SOX6: variants seen among roughly 807,000 people sequenced by gnomAD.
SOX6 encodes the protein SRY-box transcription factor 6, also known as transcription factor SOX-6.
Under a neutral mutation model 97.8 loss-of-function variants are expected in SOX6, and 11 were observed. The observed-to-expected ratio is 0.11, with a 90% confidence interval of 0.07 to 0.19. The LOEUF is 0.19. Ranked by LOEUF, SOX6 falls within the 10% of genes least tolerant of loss-of-function variation. The probability of loss-of-function intolerance (pLI) is 1.00; values close to 1 mark genes in which losing one functional copy is unlikely to be tolerated. For synonymous variants in SOX6, 360 were observed against 371.4 expected (o/e 0.97, Z 0.35); for missense variants, 810 against 1,039.5 (o/e 0.78, Z 3.04).
chr11:16,041,402 G>A (rs1855659231), intron 12 of SOX6, among the ~76,000 whole-genome samples: 1 of 151,948 alleles, frequency 6.6e-6, no homozygotes, highest in Non-Finnish European at 1.5e-5. Context: ...AATAAAAGGG[G>A]GCAGTATTAC....
At chr11:16,696,380 A>T (rs1295833562) in intron 3 of SOX6, among the ~76,000 whole-genome samples, 2 of 152,208 alleles carry the variant, frequency 1.3e-5, no homozygotes, top group Non-Finnish European at 2.9e-5. Context: ...TATAATTTCA[A>T]ATTATCTTCT....
At chr11:16,639,634 C>A (rs866839328) in intron 3 of SOX6, among the ~76,000 whole-genome samples, 1 of 152,082 alleles carries the variant, frequency 6.6e-6, no homozygotes, top group Non-Finnish European at 1.5e-5. Context: ...CCTTCACATC[C>A]GTTTTAAGTT....
intron 3 of SOX6, among the ~76,000 whole-genome samples, chr11:16,632,976 T>C (rs889585162): frequency 6.6e-6 from 1 of 152,110 alleles, no homozygotes; most frequent in Non-Finnish European, 1.5e-5. Flanking sequence ...TTGCTCAGGC[T>C]GTTGATCCAA....
intron 4 of SOX6, among the ~76,000 whole-genome samples, chr11:16,228,849 T>C (rs1852761670): frequency 6.6e-6 from 1 of 152,202 alleles, no homozygotes; most frequent in South Asian, 2.1e-4. Context: ...TATGATTCAG[T>C]GTTTCTCAGA....
At chr11:16,118,669 G>C (rs1849413160) in intron 6 of SOX6, among the ~76,000 whole-genome samples, 1 of 152,220 alleles carries the variant, frequency 6.6e-6, no homozygotes, top group South Asian at 2.1e-4. Context: ...ATCAGTCAGA[G>C]AGCAACTTGG....
chr11:16,065,435 C>T (rs1266500125), intron 9 of SOX6, among the ~76,000 whole-genome samples: 1 of 151,898 alleles, frequency 6.6e-6, no homozygotes, highest in Non-Finnish European at 1.5e-5. Flanking sequence ...GTCCATGCTA[C>T]CCAAAACAAT....
At chr11:16,636,366 G>A (rs957739874) in intron 3 of SOX6, among the ~76,000 whole-genome samples, 4 of 152,116 alleles carry the variant, frequency 2.6e-5, no homozygotes, top group South Asian at 4.1e-4. Flanking sequence ...TAGCCTCTTC[G>A]TTTTGGTCAA....
chr11:16,148,737 C>T (rs932700403), intron 6 of SOX6, among the ~76,000 whole-genome samples: 1 of 152,052 alleles, frequency 6.6e-6, no homozygotes, highest in African/African-American at 2.4e-5. Flanking sequence ...TCCAGGCATT[C>T]CCTCGTGTAG....
chr11:16,140,317 A>T (rs927304962), intron 6 of SOX6, among the ~76,000 whole-genome samples: 1 of 152,146 alleles, frequency 6.6e-6, no homozygotes, highest in African/African-American at 2.4e-5. Context: ...GAGGAGGAAA[A>T]GTGGAAGAAA....
chr11:16,098,152 C>T (rs1223908983), intron 7 of SOX6, among the ~76,000 whole-genome samples: 2 of 151,642 alleles, frequency 1.3e-5, no homozygotes, highest in African/African-American at 2.4e-5. Flanking sequence ...ATTTATTAAA[C>T]AAGTTTAAAA....
At chr11:16,625,155 T>G (rs762869809) in intron 3 of SOX6, among the ~76,000 whole-genome samples, 2 of 152,212 alleles carry the variant, frequency 1.3e-5, no homozygotes, top group Non-Finnish European at 2.9e-5. Context: ...GTTTTTTTCT[T>G]TTATCACTAG....
At chr11:16,287,554 A>C (rs2134252949) in intron 3 of SOX6, among the ~76,000 whole-genome samples, 1 of 152,190 alleles carries the variant, frequency 6.6e-6, no homozygotes, top group South Asian at 2.1e-4. Context: ...AATAAGTATT[A>C]AGTGCCCTAA....
chr11:15,981,271 T>C (rs1457015886), intron 15 of SOX6, among the ~76,000 whole-genome samples: 2 of 152,086 alleles, frequency 1.3e-5, no homozygotes, highest in African/African-American at 2.4e-5. Flanking sequence ...TTTGTAAAAG[T>C]ATATACATGA....
At chr11:16,461,830 A>C (rs1170513367) in intron 1 of SOX6, among the ~76,000 whole-genome samples, 1 of 152,198 alleles carries the variant, frequency 6.6e-6, no homozygotes, top group Non-Finnish European at 1.5e-5. Flanking sequence ...AATGTAATTT[A>C]ATTAGCATTT....
intron 3 of SOX6, among the ~76,000 whole-genome samples, chr11:16,280,325 C>A (rs892954711): frequency 1.6e-4 from 24 of 151,510 alleles, no homozygotes; most frequent in African/African-American, 5.6e-4. Flanking sequence ...AATTGGTTAG[C>A]CCACCAAATT....
chr11:16,066,455 T>C (rs1408891351), intron 9 of SOX6, among the ~76,000 whole-genome samples: 2 of 152,192 alleles, frequency 1.3e-5, no homozygotes, highest in African/African-American at 2.4e-5. Flanking sequence ...CGCATCCCCA[T>C]GTTTATTGCA....
chr11:16,724,522 C>A (rs1190771025), intron 2 of SOX6, among the ~76,000 whole-genome samples: 2 of 151,828 alleles, frequency 1.3e-5, no homozygotes, highest in African/African-American at 2.4e-5. Context: ...GGTCCTCAGA[C>A]CAGCAGCAGC....
intron 3 of SOX6, among the ~76,000 whole-genome samples, chr11:16,243,680 C>T (rs1226848222): frequency 6.6e-6 from 1 of 151,890 alleles, no homozygotes; most frequent in Non-Finnish European, 1.5e-5. Flanking sequence ...ATCATCCATG[C>T]TCCTGGACTC....
chr11:16,385,407 G>A (rs758573735), intron 1 of SOX6, among the ~76,000 whole-genome samples: 6 of 151,992 alleles, frequency 3.9e-5, no homozygotes, highest in Non-Finnish European at 7.4e-5. Flanking sequence ...AATAAAAAGA[G>A]GGTAAGTTTA....
Sources: allele counts gnomAD v4.1 joint callset (sites outside exome capture counted in the v4.1 genomes callset), GRCh38; gene constraint gnomAD v4.1.1; transcripts MANE v1.5; gene names NCBI Gene and HGNC (gene_info 2026-07-23, HGNC 2026-07-21).